Variants in DNAJA3 observed in about 807,000 individuals in gnomAD.
DNAJA3 encodes dnaJ homolog subfamily A member 3, mitochondrial.
In DNAJA3, 29 loss-of-function variants were observed where a neutral mutation model predicts 54.9. That is an observed-to-expected ratio of 0.53 (90% CI 0.39 to 0.72). The LOEUF (loss-of-function observed/expected upper bound fraction) is 0.72, where lower values mean the gene tolerates loss of function less well. DNAJA3 is among the 30% of genes least tolerant of loss of function. The probability of loss-of-function intolerance (pLI) is 0.00; values close to 1 mark genes in which losing one functional copy is unlikely to be tolerated. For missense variants in DNAJA3, 708 were observed against 639.4 expected (o/e 1.11, Z -1.16); for synonymous variants, 302 against 251.4 (o/e 1.20, Z -1.90).
At chr16:4,448,917 G>A (rs1255228819) in intron 9 of DNAJA3, 69 bp downstream of exon 9, 1 of 1,210,742 alleles carries the variant, frequency 8.3e-7, no homozygotes. Flanking sequence ...GAGCTCTGTG[G>A]CTTGGGCAGG....
chr16:4,434,659 C>G, intron 2 of DNAJA3, 142 bp downstream of exon 2: 1 of 1,038,690 alleles, frequency 9.6e-7, no homozygotes. Flanking sequence ...TAAAGCTGGA[C>G]TTTGCTAGAC....
At chr16:4,429,377 C>T (rs1433656777) in intron 1 of DNAJA3, among the ~76,000 whole-genome samples, 2 of 152,108 alleles carry the variant, frequency 1.3e-5, no homozygotes, top group Non-Finnish European at 2.9e-5. Flanking sequence ...GCACGTGCCA[C>T]CACTCCCAGT....
chr16:4,432,038 C>T (rs2056709591), intron 1 of DNAJA3, among the ~76,000 whole-genome samples: 1 of 151,882 alleles, frequency 6.6e-6, no homozygotes. Flanking sequence ...CCACCACTAC[C>T]ACCACTGCCA....
chr16:4,427,064 T>A (rs1238548052), intron 1 of DNAJA3: 1 of 152,170 alleles, frequency 6.6e-6, no homozygotes, highest in Non-Finnish European at 1.5e-5. Flanking sequence ...ACTAGAGGCA[T>A]GCGCCACCAC....
rs1160582994 is a variant in DNAJA3, at chr16:4,426,049, C to G, written c.168C>G (p.Gly56=). 6.2e-7 allele frequency: 1 copy of G among 1,603,208 alleles called. No individual in the cohort carries two copies. The highest frequency in any genetic ancestry group is 8.5e-7 in the Non-Finnish European group (1 of 1,175,456). Residue 56 remains glycine (G), a synonymous_variant, in exon 1 of 12, where the codon GGC becomes GGG. Coordinates refer to ENST00000262375, the MANE Select transcript of DNAJA3 (RefSeq NM_005147.6). ...PAFASSLTSC[G]PRALLTLRPG... ...TTGCGTCTTCCCTGACCTCTTGCGG[C>G]CCCCGAGCGCTGCTGACATTGAGAC...
rs770233837 is a variant in DNAJA3 at position 4,450,500 on chromosome 16, A to G, written c.1339+3A>G. On this transcript the variant is annotated splice_donor_region_variant and intron_variant, in intron 10 of 11. Transcript: ENST00000262375. ...CGGCGTCACCCTCACCAGCTCTGGTAAGGAGTCTGAAGACTACATGGTGAC... is the reference window on the plus strand; with the variant it reads ...CGGCGTCACCCTCACCAGCTCTGGTGAGGAGTCTGAAGACTACATGGTGAC... 3.7e-6 allele frequency: 6 copies of G among 1,601,104 alleles called. No homozygotes were observed. The East Asian group carries it at 9.0e-5, about 24-fold the overall frequency.
At chr16:4,450,231 T>C in intron 9 of DNAJA3, 169 bp from the exon 10 acceptor site, 1 of 562,102 alleles carries the variant, frequency 1.8e-6, no homozygotes. Flanking sequence ...GTACAGAAGC[T>C]TTGAGGGCAT....
Position 4,455,550 on chromosome 16 carries a change from A to G in DNAJA3, c.*18A>G. 6.4e-7 allele frequency: 1 copy of G among 1,551,790 alleles called. No individual in the cohort carries two copies. The highest frequency in any genetic ancestry group is 8.7e-7 in the Non-Finnish European group (1 of 1,147,004). ...CAGCCTATCTCTTTGGCTCAGGAAA[A>G]AGATCCACTGGAAACTAGGCCGGGA... On this transcript the variant is annotated 3_prime_UTR_variant, in exon 12 of 12. Coordinates refer to ENST00000262375, the MANE Select transcript of DNAJA3 (RefSeq NM_005147.6).
intron 4 of DNAJA3, among the ~76,000 whole-genome samples, chr16:4,441,875 G>A (rs890084344): frequency 5.3e-5 from 8 of 152,118 alleles, no homozygotes; most frequent in African/African-American, 9.7e-5. Context: ...AGTTCTGTCC[G>A]GTGGGAAGGC....
chr16:4,436,313 G>C (rs2056771543), intron 2 of DNAJA3, among the ~76,000 whole-genome samples: 1 of 152,176 alleles, frequency 6.6e-6, no homozygotes, highest in East Asian at 1.9e-4. Context: ...AGATTGAAAA[G>C]ATGGAGGCTG....
Position 4,437,474 on chromosome 16 carries a change from G to C in DNAJA3, c.418G>C (p.Glu140Gln). ...KAKEKFSQLA[E>Q]AYEVLSDEVK... ...CAAGGAGAAGTTCTCCCAGCTGGCA[G>C]AAGCCTATGAGGTAATATGACTTCG... is the stretch of plus-strand genomic sequence containing the variant. Residue 140 changes from glutamate to glutamine, a missense_variant, in exon 3 of 12, where the codon GAA becomes CAA. Transcript: ENST00000262375. 6.2e-7 allele frequency: 1 copy of C among 1,613,986 alleles called. No homozygotes were observed. Among genetic ancestry groups the C allele is most frequent in the Non-Finnish European group, 8.5e-7 (1 of 1,179,916 alleles).
At position 4,443,117 on chromosome 16, in the gene DNAJA3, C is replaced by A. The variant is rs200786027; in HGVS notation, c.884C>A (p.Ala295Glu). The A allele has an allele frequency of 6.2e-7, 1 of 1,613,968 alleles. No individual in the cohort carries two copies. The highest frequency in any genetic ancestry group is 2.2e-5 in the East Asian group (1 of 44,866). Residue 295 changes from alanine (A) to glutamate (E), a missense_variant, in exon 6 of 12, where the codon GCA (alanine) becomes GAA (glutamate). Ala to Glu is a moderately radical substitution (Grantham distance 107). Coordinates refer to ENST00000262375, the MANE Select transcript of DNAJA3 (RefSeq NM_005147.6). ...IISPCVVCRG[A>E]GQAKQKKRVM... ...TCGCCCTGTGTGGTCTGCAGGGGAG[C>A]AGGACAAGCCAAGCAGAAAAAGCGA...
At position 4,442,265 on chromosome 16, in the gene DNAJA3, T is replaced by C; in HGVS notation, c.631-3T>C. On this transcript the variant is annotated splice_region_variant and splice_polypyrimidine_tract_variant and intron_variant, in intron 4 of 11. Transcript: ENST00000262375. ...TTGACAGGCTGTCCCTTGGTTTCTT[T>C]AGTACTTCATGGAGTTGACATTCAA... 1.9e-6 allele frequency: 3 copies of C among 1,581,344 alleles called. No individual in the cohort carries two copies. The highest frequency in any genetic ancestry group is 1.7e-6 in the Non-Finnish European group (2 of 1,161,994).
chr16:4,426,325 G>A (rs1171794360), intron 1 of DNAJA3, among the ~76,000 whole-genome samples: 1 of 152,210 alleles, frequency 6.6e-6, no homozygotes, highest in East Asian at 1.9e-4. Flanking sequence ...ACGCCCCGTA[G>A]ATCGTGAACC....
In DNAJA3 at chr16:4,455,881, G is replaced by T; in HGVS notation, c.*349G>T. The T allele has an allele frequency of 2.0e-6, 1 of 496,464 alleles. No individual in the cohort carries two copies. The highest frequency in any genetic ancestry group is 3.6e-6 in the Non-Finnish European group (1 of 275,988). 30.8% of individuals were successfully genotyped at this position (496,464 alleles called of 1,614,324 possible). A position where few individuals can be genotyped will look rare whatever the true frequency, so the allele number is the denominator to read the frequency against. ...AATATTGTGGATATCTTAGTTAAAG[G>T]CCATGCTTACAGCTTAGAAATGAAG... On this transcript the variant is annotated 3_prime_UTR_variant, in exon 12 of 12. Transcript: ENST00000262375.
intron 1 of DNAJA3, among the ~76,000 whole-genome samples, chr16:4,429,512 C>T (rs968536306): frequency 2.6e-5 from 4 of 152,308 alleles, no homozygotes; most frequent in South Asian, 2.1e-4. Flanking sequence ...TGAGTCACCG[C>T]GCCCGGCCTA....
At position 4,425,910 on chromosome 16, in the gene DNAJA3, T is replaced by C. The variant is rs200324271; in HGVS notation, c.29T>C (p.Leu10Ser). Residue 10 changes from leucine to serine, a missense_variant, in exon 1 of 12, where the codon TTG becomes TCG. By Grantham distance (145) the Leu-to-Ser change is moderately radical. Coordinates refer to ENST00000262375, the MANE Select transcript of DNAJA3 (RefSeq NM_005147.6). ...GCTGCGCGGTGCTCCACACGCTGGT[T>C]GCTGGTGGTTGTGGGGACCCCGCGG... The part of the protein sequence containing the change: MAARCSTRW[L>S]LVVVGTPRLP... 1.3e-6 allele frequency: 2 copies of C among 1,545,590 alleles called. No homozygotes were observed. Among genetic ancestry groups the C allele is most frequent in the African/African-American group, 2.8e-5 (2 of 72,590 alleles).
chr16:4,442,284 C>T lies in DNAJA3; in HGVS notation c.647C>T (p.Thr216Ile). Residue 216 changes from threonine to isoleucine, a missense_variant, in exon 5 of 12, where the codon ACA (threonine) becomes ATA (isoleucine). By Grantham distance (89) the Thr-to-Ile change is moderately conservative (BLOSUM62 -1). Coordinates refer to ENST00000262375, the MANE Select transcript of DNAJA3 (RefSeq NM_005147.6). The stretch of plus-strand genomic sequence containing the variant: ...TTTCTTTAGTACTTCATGGAGTTGA[C>T]ATTCAATCAAGCTGCAAAGGGGGTC... ...DQPQEYFMEL[T>I]FNQAAKGVNK... 3 of 1,596,280 alleles carry T rather than the reference C, an allele frequency of 1.9e-6. No homozygotes were observed. Among genetic ancestry groups the T allele is most frequent in the Non-Finnish European group, 2.6e-6 (3 of 1,169,776 alleles).
At chr16:4,448,278 GC>G (rs1263534606) in intron 8 of DNAJA3, among the ~76,000 whole-genome samples, 1 of 146,116 alleles carries the variant, frequency 6.8e-6, no homozygotes, top group East Asian at 2.1e-4. Flanking sequence ...GCCTGCCTCA[GC>G]CCCCCAAAGT....
Sources: gnomAD v4.1 joint callset for allele counts (sites outside exome capture counted in the v4.1 genomes callset) on GRCh38, gnomAD v4.1.1 for gene constraint, MANE v1.5 for transcripts, NCBI Gene and HGNC (gene_info 2026-07-23, HGNC 2026-07-21) for gene names.